FTO: variants seen among roughly 807,000 people sequenced by gnomAD.
FTO encodes the protein alpha-ketoglutarate-dependent dioxygenase FTO.
A neutral mutation model predicts 63.9 loss-of-function variants in FTO; 47 were observed. That is an observed-to-expected ratio of 0.74 (90% confidence interval 0.58 to 0.94). The LOEUF (loss-of-function observed/expected upper bound fraction) is 0.94. FTO is among the 40% of genes least tolerant of loss of function. FTO has a pLI of 0.00. For synonymous variants in FTO, 207 were observed against 224.4 expected (o/e 0.92, Z 0.69); for missense variants, 562 against 618.1 (o/e 0.91, Z 0.96).
chr16:53,820,634 C>A (rs372595743), intron 2 of FTO, among the ~76,000 whole-genome samples: 1 of 147,444 alleles, frequency 6.8e-6, no homozygotes, highest in African/African-American at 2.5e-5. Context: ...CCCCCTCCCC[C>A]CACCCCACAA....
Position 54,075,981 on chromosome 16 carries a change from G to C in FTO, c.1365-35781G>C, listed in dbSNP as rs117328169. On this transcript the variant is annotated intron_variant, in intron 8 of 8. Transcript: ENST00000471389. Reference sequence around the variant, plus strand: ...TCTGTCACTAGAATATGCGAGGCCGGATTCCCCATCTTCCCCTAGCTCAGG... The same window carrying C: ...TCTGTCACTAGAATATGCGAGGCCGCATTCCCCATCTTCCCCTAGCTCAGG... Among the ~76,000 whole-genome samples the C allele has an allele frequency of 2.2e-3, 336 of 152,224 alleles. 10 individuals are homozygous for C. In the East Asian group the frequency reaches 0.054, roughly 25 times the overall value.
In FTO at chr16:54,112,019, G is replaced by C. The variant is rs1203482144; in HGVS notation, c.*104G>C. On this transcript the variant is annotated 3_prime_UTR_variant, in exon 9 of 9. Transcript: ENST00000471389. Reference sequence around the variant, plus strand: ...CAGTGGAGACTTCTCTTGGCCCCTAGATTGTAGCACCCGGGTCCCAATCCA... The same window carrying C: ...CAGTGGAGACTTCTCTTGGCCCCTACATTGTAGCACCCGGGTCCCAATCCA... 2 of 1,272,356 alleles carry C rather than the reference G, an allele frequency of 1.6e-6. No homozygotes were observed. The highest frequency in any genetic ancestry group is 4.6e-5 in the East Asian group (2 of 43,158). 78.8% of individuals were successfully genotyped at this position (1,272,356 alleles called of 1,614,324 possible).
chr16:53,917,711 T>TGC (rs767908583), intron 7 of FTO, among the ~76,000 whole-genome samples: 1 of 109,414 alleles, frequency 9.1e-6, no homozygotes, highest in Non-Finnish European at 1.9e-5. Flanking sequence ...ATTGAGTGAG[T>TGC]GTGTGTGTGT....
intron 1 of FTO, among the ~76,000 whole-genome samples, chr16:53,767,021 A>C (rs2077222767): frequency 6.6e-6 from 1 of 152,160 alleles, no homozygotes; most frequent in Non-Finnish European, 1.5e-5. Flanking sequence ...TTATAGTAGC[A>C]GTTCAGGTCC....
At position 54,119,706 on chromosome 16, in the gene FTO, G is replaced by A. The variant is rs549827987; in HGVS notation, c.*7791G>A. 8.3e-4 allele frequency: 126 copies of A among 152,254 alleles called. No individual in the cohort carries two copies. Among genetic ancestry groups the A allele is most frequent in the African/African-American group, 2.9e-3 (121 of 41,538 alleles). The allele number at this position is 152,254 out of a possible 1,614,324, so 9.4% of individuals were successfully genotyped here. ...TGATCAATGGAATGATCTGTCAGAA[G>A]CCATTAAAGCCCCCATTAGCTTGAA... On this transcript the variant is annotated 3_prime_UTR_variant, in exon 9 of 9. Transcript: ENST00000471389.
upstream of FTO, chr16:53,704,041 A>G (rs1029400160): frequency 2.2e-6 from 2 of 889,074 alleles, no homozygotes; most frequent in East Asian, 5.3e-5. Flanking sequence ...GCCGCGGTGC[A>G]TCCTGGGAGT....
chr16:53,882,540 G>T (rs781389493), intron 6 of FTO, among the ~76,000 whole-genome samples: 1 of 152,194 alleles, frequency 6.6e-6, no homozygotes, highest in South Asian at 2.1e-4. Context: ...CAAAGGCTGT[G>T]TGGTGGGGGA....
At chr16:53,961,566 T>C (rs2083081728) in intron 8 of FTO, among the ~76,000 whole-genome samples, 1 of 152,234 alleles carries the variant, frequency 6.6e-6, no homozygotes, top group African/African-American at 2.4e-5. Context: ...CCAAGGTAGA[T>C]CCCAACTTCT....
At chr16:53,880,625 G>A (rs928835780) in intron 6 of FTO, among the ~76,000 whole-genome samples, 9 of 152,078 alleles carry the variant, frequency 5.9e-5, no homozygotes, top group African/African-American at 2.2e-4. Flanking sequence ...GACTTGTTTC[G>A]TGATTCATAG....
At chr16:53,925,592 T>C (rs750018918) in intron 7 of FTO, among the ~76,000 whole-genome samples, 7 of 152,154 alleles carry the variant, frequency 4.6e-5, no homozygotes, top group Non-Finnish European at 7.4e-5. Flanking sequence ...GTCTGAGTTT[T>C]GGGGTTACAG....
chr16:53,764,457 C>T (rs2077143406), intron 1 of FTO, among the ~76,000 whole-genome samples: 1 of 139,738 alleles, frequency 7.2e-6, no homozygotes, highest in Non-Finnish European at 1.5e-5. Context: ...TGGTGAAACC[C>T]CATCTCTACT....
intron 3 of FTO, among the ~76,000 whole-genome samples, chr16:53,830,114 T>C (rs2079106343): frequency 6.6e-6 from 1 of 152,190 alleles, no homozygotes; most frequent in South Asian, 2.1e-4. Context: ...CATCCCTCTT[T>C]GGTTTATTTT....
At position 53,885,131 on chromosome 16, in the gene FTO, A is replaced by G. The variant is rs144089896; in HGVS notation, c.1120-3701A>G. Reference sequence around the variant, plus strand: ...TTTAGCCCCAAAGTAATAAGGACTCACTGTATTTTGCGTTCTGACTCTTTG... The same window carrying G: ...TTTAGCCCCAAAGTAATAAGGACTCGCTGTATTTTGCGTTCTGACTCTTTG... On this transcript the variant is annotated intron_variant, in intron 6 of 8. Transcript: ENST00000471389. Among the ~76,000 whole-genome samples, 5 of 152,304 alleles carry G rather than the reference A, an allele frequency of 3.3e-5. No individual in the cohort carries two copies. In the East Asian group the frequency reaches 9.7e-4, roughly 29 times the overall value.
At chr16:53,710,036 T>G (rs1472738476) in intron 1 of FTO, among the ~76,000 whole-genome samples, 1 of 152,164 alleles carries the variant, frequency 6.6e-6, no homozygotes, top group African/African-American at 2.4e-5. Context: ...CCATCTGGAT[T>G]GCATATTACC....
intron 7 of FTO, among the ~76,000 whole-genome samples, chr16:53,914,055 C>G (rs1039134906): frequency 5.9e-5 from 9 of 151,980 alleles, no homozygotes; most frequent in Non-Finnish European, 1.3e-4. Context: ...TTGTCCTGCC[C>G]CAGTGGAGGA....
At chr16:53,745,908 C>T (rs777409384) in intron 1 of FTO, among the ~76,000 whole-genome samples, 11 of 152,010 alleles carry the variant, frequency 7.2e-5, no homozygotes, top group Non-Finnish European at 1.6e-4. Flanking sequence ...GCTTTACCAG[C>T]CTGGGCAATC....
chr16:53,937,527 C>T (rs2082417443), intron 8 of FTO: 1 of 355,702 alleles, frequency 2.8e-6, no homozygotes, highest in Non-Finnish European at 5.0e-6. Context: ...GACCGGGTGT[C>T]CCAGGATAGG....
rs572742538 is a variant in FTO at position 54,087,222 on chromosome 16, C to CA, written c.1365-24540_1365-24539insA. ...GAACACCTAAAACCATTCCTGAAAG[C>CA]GTTTTTGGTTTCTAGAAAAACATCT... On this transcript the variant is annotated intron_variant, in intron 8 of 8. Coordinates refer to ENST00000471389, the MANE Select transcript of FTO (RefSeq NM_001080432.3). Among the ~76,000 whole-genome samples the CA allele has an allele frequency of 5.3e-3, 811 of 152,182 alleles. 4 individuals carry two copies. The highest frequency in any genetic ancestry group is 0.019 in the African/African-American group (777 of 41,444).
Position 53,934,043 on chromosome 16 carries a change from A to G in FTO, c.1298A>G (p.Glu433Gly), listed in dbSNP as rs145170223. The part of the protein sequence containing the change: ...REGLPVEQRN[E>G]ILTAILASLT... ...GGGCTCCCCGTGGAACAAAGGAATG[A>G]AATCTTGACTGCCATCCTTGCCTCG... Residue 433 changes from glutamate (E) to glycine (G), a missense_variant, in exon 8 of 9, where the codon GAA becomes GGA. Coordinates refer to ENST00000471389, the MANE Select transcript of FTO (RefSeq NM_001080432.3). 1 of 1,614,136 alleles carries G rather than the reference A, an allele frequency of 6.2e-7. No homozygotes were observed. The highest frequency in any genetic ancestry group is 8.5e-7 in the Non-Finnish European group (1 of 1,179,956).
Sources: gnomAD v4.1 joint callset for allele counts (sites outside exome capture counted in the v4.1 genomes callset) on GRCh38, gnomAD v4.1.1 for gene constraint, MANE v1.5 for transcripts, NCBI Gene and HGNC (gene_info 2026-07-23, HGNC 2026-07-21) for gene names.